The following TAMM41 variants were observed in gnomAD, a reference collection of about 807,000 sequenced individuals.
The protein encoded by TAMM41 is phosphatidate cytidylyltransferase, mitochondrial.
In TAMM41, 36 loss-of-function variants were observed where a neutral mutation model predicts 44.1. That is an observed-to-expected ratio of 0.82 (90% CI 0.63 to 1.08). The LOEUF is 1.08. TAMM41 is among the 50% of genes least tolerant of loss of function. TAMM41 has a pLI of 0.00. For synonymous variants in TAMM41, 164 were observed against 153.1 expected, an observed-to-expected ratio of 1.07 and a Z score of -0.53; for missense variants, 417 against 404.3, an observed-to-expected ratio of 1.03 and a Z score of -0.27.
At chr3:11,749,370 CTG>C in the TAMM41 span, among the ~76,000 whole-genome samples, 2 of 152,156 alleles carry the variant, frequency 1.3e-5, no homozygotes, top group African/African-American at 4.8e-5. Flanking sequence ...AAACTGGACA[CTG>C]GAATCTTGTA....
At chr3:11,777,761 T>C in the TAMM41 span, among the ~76,000 whole-genome samples, 1 of 152,162 alleles carries the variant, frequency 6.6e-6, no homozygotes, top group Admixed American at 6.6e-5. Flanking sequence ...GCCACTGCAC[T>C]CCAGCCTGGG....
chr3:11,796,121 G>C (rs2077599332), intron 7 of TAMM41, among the ~76,000 whole-genome samples: 1 of 152,156 alleles, frequency 6.6e-6, no homozygotes, highest in African/African-American at 2.4e-5. Context: ...AACTAATAAA[G>C]ACAAAGCATC....
intron 3 of TAMM41, 131 bp from the exon 4 acceptor site, chr3:11,829,995 A>C: frequency 4.8e-6 from 4 of 838,690 alleles, no homozygotes; most frequent in Non-Finnish European, 7.3e-6. Context: ...TTCAGGTGAC[A>C]CAAAATTGTT....
At position 11,837,912 on chromosome 3, in the gene TAMM41, G is replaced by A. The variant is rs181545501; in HGVS notation, c.411+1310C>T. Reference sequence around the variant, plus strand: ...CAGGAGGGAGAGTGGACTGTGACCCGGCTTCTACTCCCAGCACTTCTGACA... The same window carrying A: ...CAGGAGGGAGAGTGGACTGTGACCCAGCTTCTACTCCCAGCACTTCTGACA... On this transcript the variant is annotated intron_variant, in intron 3 of 7. Coordinates refer to ENST00000455809, the MANE Select transcript of TAMM41 (RefSeq NM_001284401.2). Among the ~76,000 whole-genome samples, 10 of 152,272 alleles carry A rather than the reference G, an allele frequency of 6.6e-5. No individual in the cohort carries two copies. In the East Asian group the frequency reaches 1.5e-3, roughly 24 times the overall value.
At chr3:11,730,442 A>G in the TAMM41 span, among the ~76,000 whole-genome samples, 2 of 149,914 alleles carry the variant, frequency 1.3e-5, no homozygotes, top group Admixed American at 1.3e-4. Flanking sequence ...AAGAAAAAGA[A>G]AAAAGAAATT....
At chr3:11,777,621 C>G in the TAMM41 span, among the ~76,000 whole-genome samples, 2 of 152,128 alleles carry the variant, frequency 1.3e-5, no homozygotes, top group African/African-American at 2.4e-5. Context: ...TGGTGAAACT[C>G]TGTCTCTACT....
chr3:11,787,469 T>G (rs554142266), downstream of TAMM41, among the ~76,000 whole-genome samples: 1 of 152,268 alleles, frequency 6.6e-6, no homozygotes, highest in African/African-American at 2.4e-5. Context: ...GGATACCCCT[T>G]CTTTTTTGTT....
At chr3:11,836,343 G>A (rs2079174430) in intron 3 of TAMM41, among the ~76,000 whole-genome samples, 1 of 152,112 alleles carries the variant, frequency 6.6e-6, no homozygotes, top group Admixed American at 6.5e-5. Flanking sequence ...GATAACTGAA[G>A]TTCAGAAAGA....
At chr3:11,731,877 ATTT>A in the TAMM41 span, among the ~76,000 whole-genome samples, 2 of 141,858 alleles carry the variant, frequency 1.4e-5, no homozygotes, top group Non-Finnish European at 3.1e-5. Flanking sequence ...TAATTAGGGC[ATTT>A]TTTTTTTTTT....
downstream of TAMM41, among the ~76,000 whole-genome samples, chr3:11,788,148 A>G (rs1235790652): frequency 1.3e-5 from 2 of 152,184 alleles, no homozygotes; most frequent in African/African-American, 4.8e-5. Context: ...CCATAGCTGG[A>G]GAGTGACCCT....
At chr3:11,727,600 G>A in the TAMM41 span, among the ~76,000 whole-genome samples, 5 of 152,094 alleles carry the variant, frequency 3.3e-5, no homozygotes, top group East Asian at 9.6e-4. Flanking sequence ...GAGGAGCTGA[G>A]ACTACAAGCA....
At chr3:11,824,128 A>T (rs1161852497) in intron 4 of TAMM41, among the ~76,000 whole-genome samples, 13 of 150,334 alleles carry the variant, frequency 8.6e-5, no homozygotes, top group South Asian at 2.1e-4. Flanking sequence ...CGCCCGGCCT[A>T]TCCATTGTAT....
rs1014533055 is a variant in TAMM41 at position 11,809,787 on chromosome 3, C to A, written c.709-105G>T. The A allele has an allele frequency of 6.9e-6, 8 of 1,160,826 alleles. No homozygotes were observed. In the South Asian group the frequency reaches 1.1e-4, roughly 16 times the overall value. The allele number at this position is 1,160,826 out of a possible 1,614,324, so 71.9% of individuals were successfully genotyped here. A position where few individuals can be genotyped will look rare whatever the true frequency, so the allele number is the denominator to read the frequency against. ...TAAAAATCACACAAACATATATGCA[C>A]CCACACCCCTGGCGAGGCAGCAAGC... On this transcript the variant is annotated intron_variant, in intron 5 of 7. Transcript: ENST00000455809.
chr3:11,779,617 G>T, the TAMM41 span, among the ~76,000 whole-genome samples: 1 of 148,296 alleles, frequency 6.7e-6, no homozygotes, highest in Admixed American at 6.8e-5. Flanking sequence ...TCTTCATGCT[G>T]GTGTTTGTTG....
the TAMM41 span, among the ~76,000 whole-genome samples, chr3:11,761,767 T>G: frequency 0.014 from 2,116 of 151,314 alleles, 39 homozygotes; most frequent in African/African-American, 0.049. Flanking sequence ...ACCAACGTGG[T>G]GAAATCCTGT....
At chr3:11,818,397 G>A (rs1313983458) in intron 4 of TAMM41, among the ~76,000 whole-genome samples, 2 of 152,192 alleles carry the variant, frequency 1.3e-5, no homozygotes, top group Admixed American at 6.5e-5. Flanking sequence ...TCTGGAGAGG[G>A]GAAGGGATCA....
At chr3:11,844,887 T>C in intron 1 of TAMM41, 1 of 456,502 alleles carries the variant, frequency 2.2e-6, no homozygotes, top group South Asian at 1.5e-5. Flanking sequence ...CAAAATGTAC[T>C]AACTGCACTC....
At chr3:11,840,777 T>C (rs940976850) in intron 2 of TAMM41, among the ~76,000 whole-genome samples, 2 of 152,024 alleles carry the variant, frequency 1.3e-5, no homozygotes, top group Non-Finnish European at 2.9e-5. Flanking sequence ...ATGTTCCTCA[T>C]TTGAGAAATA....
the TAMM41 span, among the ~76,000 whole-genome samples, chr3:11,749,488 G>A: frequency 6.6e-6 from 1 of 152,214 alleles, no homozygotes; most frequent in African/African-American, 2.4e-5. Flanking sequence ...ACCTACATGA[G>A]TAAGACATGG....
Sources: gnomAD v4.1 joint callset for allele counts (sites outside exome capture counted in the v4.1 genomes callset) on GRCh38, gnomAD v4.1.1 for gene constraint, MANE v1.5 for transcripts, NCBI Gene and HGNC (gene_info 2026-07-23, HGNC 2026-07-21) for gene names.